Variants in FBN3 observed in about 807,000 individuals in gnomAD.
FBN3 encodes the protein fibrillin 3.
FBN3 carries 234 observed loss-of-function variants against 330.1 expected under a neutral mutation model. The ratio of observed to expected loss-of-function variants is 0.71; its 90% CI spans 0.64 to 0.79. The LOEUF is 0.79. FBN3 is among the 30% of genes least tolerant of loss of function. The pLI is 0.00. For synonymous variants in FBN3, 1,458 were observed against 1,517.3 expected, an observed-to-expected ratio of 0.96 and a Z score of 0.91; for missense variants, 3,606 against 3,886.9, an observed-to-expected ratio of 0.93 and a Z score of 1.92.
intron 29 of FBN3, 67 bp downstream of exon 29, chr19:8,116,607 A>C: frequency 6.6e-7 from 1 of 1,525,220 alleles, no homozygotes; most frequent in Non-Finnish European, 9.0e-7. Context: ...ACCTTGTGGA[A>C]GACCTGGTGT....
At chr19:8,076,570 C>T (rs984710179) in intron 59 of FBN3, among the ~76,000 whole-genome samples, 6 of 152,102 alleles carry the variant, frequency 3.9e-5, no homozygotes, top group African/African-American at 9.7e-5. Context: ...ACCCGGGAGG[C>T]GGAGGTTGCG....
intron 57 of FBN3, 109 bp from the exon 58 acceptor site, chr19:8,081,589 T>G: frequency 7.9e-7 from 1 of 1,265,638 alleles, no homozygotes; most frequent in Non-Finnish European, 1.1e-6. Context: ...TCTGTGGACT[T>G]ACACAGGAAT....
chr19:8,127,527 C>G (rs550325918), intron 18 of FBN3, among the ~76,000 whole-genome samples: 4 of 152,296 alleles, frequency 2.6e-5, no homozygotes, highest in African/African-American at 9.6e-5. Context: ...AAGTCTGACT[C>G]CACAGGTTGA....
At chr19:8,089,149 GTGAA>G (rs1236320492) in intron 51 of FBN3, among the ~76,000 whole-genome samples, 2 of 152,284 alleles carry the variant, frequency 1.3e-5, no homozygotes, top group African/African-American at 4.8e-5. Context: ...GAATTAATAA[GTGAA>G]TGAATGAACA....
rs371411051 is a variant in FBN3 at position 8,115,596 on chromosome 19, C to T, written c.3757G>A (p.Asp1253Asn). The T allele has an allele frequency of 6.2e-6, 10 of 1,614,014 alleles. No individual in the cohort carries two copies. The highest frequency in any genetic ancestry group is 7.6e-6 in the Non-Finnish European group (9 of 1,179,986). The change falls in exon 30 of 64, where the codon GAC (aspartate) becomes AAC (asparagine). Residue 1253 changes from aspartate to asparagine, a missense_variant. Coordinates refer to ENST00000600128, the MANE Select transcript of FBN3 (RefSeq NM_032447.5). ...AAGGAACCCTTCGTGTTCTCGCAGT[C>T]CCCATGGAGGCAGATGTGAGGGTTC... ...DLNPHICLHGDCENTKGSFVC... is the reference protein window; with the variant it reads ...DLNPHICLHGNCENTKGSFVC...
chr19:8,145,373 CAAAAAAAAAAAA>C (rs55926242), intron 5 of FBN3, among the ~76,000 whole-genome samples: 38,071 of 88,108 alleles, frequency 0.43, 6,219 homozygotes, highest in Middle Eastern at 0.48. Context: ...AACTCCATCT[CAAAAAAAAAAAA>C]AAAAAAAAAA....
chr19:8,083,248 C>G lies in FBN3; in HGVS notation c.7212G>C (p.Leu2404=). The part of the protein sequence containing the change: ...YTPDATATTC[L]DMDECSQVPK... ...GCAGGTGCAGAGGGCTGGGCTCACC[C>G]AGGCAGGTAGTAGCAGTAGCATCCG... Residue 2404 remains leucine, a splice_region_variant and synonymous_variant, in exon 57 of 64, where the codon CTG becomes CTC. Coordinates refer to ENST00000600128, the MANE Select transcript of FBN3 (RefSeq NM_032447.5). 6.8e-6 allele frequency: 11 copies of G among 1,614,068 alleles called. No individual in the cohort carries two copies. Among genetic ancestry groups the G allele is most frequent in the Non-Finnish European group, 9.3e-6 (11 of 1,180,034 alleles).
Position 8,070,789 on chromosome 19 carries a change from G to A in FBN3, c.8088+1259C>T, listed in dbSNP as rs193015999. ...TGTAATCCCAGCACTTTGGGAGGCC[G>A]AGCCGGGTGGATCACCTGAGGTCAG... On this transcript the variant is annotated intron_variant, in intron 63 of 63. Coordinates refer to ENST00000600128, the MANE Select transcript of FBN3 (RefSeq NM_032447.5). Among the ~76,000 whole-genome samples, 10 of 152,220 alleles carry A rather than the reference G, an allele frequency of 6.6e-5. No individual in the cohort carries two copies. In the East Asian group the frequency reaches 1.2e-3, roughly 18 times the overall value.
intron 47 of FBN3, among the ~76,000 whole-genome samples, chr19:8,093,527 G>A (rs948238669): frequency 5.9e-5 from 9 of 152,192 alleles, no homozygotes; most frequent in African/African-American, 2.2e-4. Flanking sequence ...GGAGGTTGAG[G>A]CAGGAGAATG....
intron 10 of FBN3, among the ~76,000 whole-genome samples, chr19:8,137,324 T>C (rs980542593): frequency 4.0e-4 from 48 of 119,516 alleles, no homozygotes; most frequent in Admixed American, 5.3e-4. Flanking sequence ...ACCTGGGGCC[T>C]TAGATCCCTC....
intron 24 of FBN3, among the ~76,000 whole-genome samples, chr19:8,122,822 G>A (rs2082884451): frequency 6.6e-6 from 1 of 151,766 alleles, no homozygotes; most frequent in Non-Finnish European, 1.5e-5. Context: ...CTGCCACCAC[G>A]CTGGGCTAAT....
At chr19:8,117,832 G>A (rs889085713) in intron 26 of FBN3, among the ~76,000 whole-genome samples, 10 of 151,368 alleles carry the variant, frequency 6.6e-5, no homozygotes, top group African/African-American at 2.2e-4. Flanking sequence ...AACACACCCT[G>A]GCACCCACTC....
rs556888860 is a variant in FBN3, at chr19:8,138,615, A to C, written c.866-51T>G. On this transcript the variant is annotated intron_variant, in intron 8 of 63. Transcript: ENST00000600128. ...ATGAGCACAGGACATCAGTGACCAG[A>C]CCTGGATCCAAATTCCAGCTGTAGC... 1.4e-4 allele frequency: 211 copies of C among 1,520,404 alleles called. 4 individuals carry two copies. The South Asian group carries it at 2.4e-3, about 17-fold the overall frequency. 94.2% of individuals were successfully genotyped at this position (1,520,404 alleles called of 1,614,324 possible). A position where few individuals can be genotyped will look rare whatever the true frequency, so the allele number is the denominator to read the frequency against.
chr19:8,108,225 G>A lies in FBN3; in HGVS notation c.4632C>T (p.Thr1544=), dbSNP rs569934850. Residue 1544 remains threonine, a synonymous_variant, in exon 37 of 64, where the codon ACC becomes ACT. Coordinates refer to ENST00000600128, the MANE Select transcript of FBN3 (RefSeq NM_032447.5). ...CPMANTTEYR[T]LCPGGEGFQP... ...GGAAGCCCTCACCACCCGGGCACAG[G>A]GTTCTGTACTCAGCTGTAAAGGGAA... is the stretch of plus-strand genomic sequence containing the variant. 1 of 1,612,246 alleles carries A rather than the reference G, an allele frequency of 6.2e-7. No individual in the cohort carries two copies. The highest frequency in any genetic ancestry group is 1.3e-5 in the African/African-American group (1 of 74,924).
At position 8,123,876 on chromosome 19, in the gene FBN3, G is replaced by A. The variant is rs149142431; in HGVS notation, c.2864C>T (p.Pro955Leu). ...GGCGAACTCCAGAGACTCGGGATCC[G>A]GGCAGGCCTCGCACTCGACTCCCCA... ...AVWGVECEAC[P>L]DPESLEFASL... is the part of the protein sequence containing the mutation. The change falls in exon 23 of 64, where the codon CCG becomes CTG. Residue 955 changes from proline (P) to leucine (L), a missense_variant. Physicochemically the swap from Pro to Leu is moderately conservative, Grantham distance 98 (BLOSUM62 -3). Transcript: ENST00000600128. 45 of 1,613,324 alleles carry A rather than the reference G, an allele frequency of 2.8e-5. No individual in the cohort carries two copies. The highest frequency in any genetic ancestry group is 6.7e-5 in the East Asian group (3 of 44,870).
chr19:8,089,032 A>G (rs1157895851), intron 51 of FBN3, among the ~76,000 whole-genome samples: 2 of 152,050 alleles, frequency 1.3e-5, no homozygotes, highest in African/African-American at 4.8e-5. Flanking sequence ...GTGAGGGGGC[A>G]AATGAGTGAA....
At chr19:8,118,154 C>T (rs559008246) in intron 26 of FBN3, among the ~76,000 whole-genome samples, 2 of 152,212 alleles carry the variant, frequency 1.3e-5, no homozygotes, top group East Asian at 3.9e-4. Context: ...CAGACACCCA[C>T]ACCCAGAGGT....
At chr19:8,143,780 A>ATGCAGGCATGCAGG (rs369408354) in intron 6 of FBN3, among the ~76,000 whole-genome samples, 2 of 149,020 alleles carry the variant, frequency 1.3e-5, no homozygotes, top group African/African-American at 4.9e-5. Context: ...GGCATGAGCC[A>ATGCAGGCATGCAGG]CAGTGCCTGG....
In FBN3 at chr19:8,131,391, G is replaced by C; in HGVS notation, c.1991-103C>G. 6.7e-7 allele frequency: 1 copy of C among 1,484,352 alleles called. No individual in the cohort carries two copies. 91.9% of individuals were successfully genotyped at this position (1,484,352 alleles called of 1,614,324 possible). A position where few individuals can be genotyped will look rare whatever the true frequency, so the allele number is the denominator to read the frequency against. On this transcript the variant is annotated intron_variant, in intron 15 of 63. Coordinates refer to ENST00000600128, the MANE Select transcript of FBN3 (RefSeq NM_032447.5). The surrounding 1 kb of genome is among the most constrained non-coding windows in gnomAD (Gnocchi z 4.5). The stretch of plus-strand genomic sequence containing the variant: ...CCCTCTGGTCTTGGGCAAGAGTTTG[G>C]GACTAAGACACAACTCCAACCCCGG...
Sources: allele counts gnomAD v4.1 joint callset (sites outside exome capture counted in the v4.1 genomes callset), GRCh38; gene constraint gnomAD v4.1.1; non-coding constraint Gnocchi (gnomAD v3.1); transcripts MANE v1.5; gene names NCBI Gene and HGNC (gene_info 2026-07-23, HGNC 2026-07-21).